The following GBE1 variants were observed in gnomAD, a reference collection of about 807,000 sequenced individuals.
GBE1 encodes 1,4-alpha-glucan branching enzyme 1.
Under a neutral mutation model 88.8 loss-of-function variants are expected in GBE1, and 70 were observed. The observed-to-expected ratio is 0.79, with a 90% CI of 0.65 to 0.96. The LOEUF (loss-of-function observed/expected upper bound fraction) is 0.96, where lower values mean the gene tolerates loss of function less well. Ranked by LOEUF, GBE1 falls within the 40% of genes least tolerant of loss-of-function variation. GBE1 has a pLI of 0.00. For missense variants in GBE1, 872 were observed against 871.0 expected (o/e 1.00, Z -0.01); for synonymous variants, 284 against 300.1 (o/e 0.95, Z 0.56).
intron 15 of GBE1, among the ~76,000 whole-genome samples, chr3:81,498,580 G>A (rs531660838): frequency 2.6e-5 from 4 of 152,134 alleles, no homozygotes; most frequent in Admixed American, 6.6e-5. Flanking sequence ...GTCATATAAT[G>A]CTTCATTCAG....
chr3:81,521,546 C>T (rs1702874416), intron 14 of GBE1, among the ~76,000 whole-genome samples: 1 of 151,162 alleles, frequency 6.6e-6, no homozygotes, highest in Non-Finnish European at 1.5e-5. Flanking sequence ...AGAATAAAGT[C>T]AGAAAGATAA....
chr3:81,680,695 C>T (rs534655287), intron 2 of GBE1, among the ~76,000 whole-genome samples: 8 of 152,170 alleles, frequency 5.3e-5, no homozygotes, highest in African/African-American at 1.9e-4. Context: ...ATCCTAACCC[C>T]AAATGTGGTA....
chr3:81,548,464 T>G (rs1703235687), intron 12 of GBE1, among the ~76,000 whole-genome samples: 1 of 151,466 alleles, frequency 6.6e-6, no homozygotes, highest in African/African-American at 2.4e-5. Flanking sequence ...AAATATGTTG[T>G]TGGTATGTGT....
chr3:81,721,899 T>C (rs1175640772), intron 1 of GBE1, among the ~76,000 whole-genome samples: 6 of 152,204 alleles, frequency 3.9e-5, no homozygotes, highest in Non-Finnish European at 7.3e-5. Flanking sequence ...CTATTCTGTA[T>C]GTTAAAAATT....
intron 10 of GBE1, among the ~76,000 whole-genome samples, chr3:81,582,062 C>G (rs879365789): frequency 5.9e-5 from 9 of 152,080 alleles, no homozygotes; most frequent in Non-Finnish European, 1.2e-4. Flanking sequence ...TATAAATTCT[C>G]TTCCTCTGTT....
In GBE1 at chr3:81,725,358, G is replaced by C. The variant is rs962354101; in HGVS notation, c.144-19745C>G. Among the ~76,000 whole-genome samples, 7 of 151,940 alleles carry C rather than the reference G, an allele frequency of 4.6e-5. 2 individuals are homozygous for C. Among genetic ancestry groups the C allele is most frequent in the Admixed American group, 4.6e-4 (7 of 15,248 alleles). ...CCTTATATCTTTTGGCCTACCCCGGGTCAGGATTATCAATATCACTGTCTT... is the reference window on the plus strand; with the variant it reads ...CCTTATATCTTTTGGCCTACCCCGGCTCAGGATTATCAATATCACTGTCTT... On this transcript the variant is annotated intron_variant, in intron 1 of 15. Coordinates refer to ENST00000429644, the MANE Select transcript of GBE1 (RefSeq NM_000158.4).
intron 14 of GBE1, among the ~76,000 whole-genome samples, chr3:81,524,576 G>GT (rs1173952661): frequency 6.6e-6 from 1 of 151,632 alleles, no homozygotes; most frequent in African/African-American, 2.4e-5. Flanking sequence ...ACTTTGATTT[G>GT]TTTTTTGTAT....
At chr3:81,511,462 A>C (rs1702724742) in intron 14 of GBE1, among the ~76,000 whole-genome samples, 1 of 151,892 alleles carries the variant, frequency 6.6e-6, no homozygotes, top group Non-Finnish European at 1.5e-5. Context: ...TATGGAATTC[A>C]TAAGGAACTT....
chr3:81,539,256 T>C (rs1228393784), intron 12 of GBE1, among the ~76,000 whole-genome samples: 1 of 151,990 alleles, frequency 6.6e-6, no homozygotes, highest in Non-Finnish European at 1.5e-5. Context: ...GGGCTAAGAA[T>C]GACCAACTTC....
intron 12 of GBE1, among the ~76,000 whole-genome samples, chr3:81,555,631 C>T (rs1703337161): frequency 6.6e-6 from 1 of 152,174 alleles, no homozygotes; most frequent in African/African-American, 2.4e-5. Context: ...GCAGACCCTG[C>T]TTCAAAGAGC....
chr3:81,516,866 G>A (rs1052184217), intron 14 of GBE1, among the ~76,000 whole-genome samples: 1 of 151,604 alleles, frequency 6.6e-6, no homozygotes, highest in Admixed American at 6.6e-5. Flanking sequence ...ACCTAAAGAC[G>A]TGACTGAATT....
chr3:81,643,751 T>C (rs1282313410), intron 6 of GBE1, among the ~76,000 whole-genome samples: 3 of 152,210 alleles, frequency 2.0e-5, no homozygotes, highest in Non-Finnish European at 4.4e-5. Context: ...AGGCTCCTCA[T>C]GATATGGTAC....
chr3:81,692,932 G>A (rs1380051375), intron 2 of GBE1, among the ~76,000 whole-genome samples: 1 of 152,076 alleles, frequency 6.6e-6, no homozygotes, highest in Non-Finnish European at 1.5e-5. Context: ...TCTCGGCTCT[G>A]ACTCCATTAT....
intron 11 of GBE1, 108 bp from the exon 12 acceptor site, chr3:81,578,204 A>T: frequency 1.3e-6 from 1 of 748,710 alleles, no homozygotes. Flanking sequence ...ATCGTAGAAG[A>T]GGTGTGTAGA....
intron 1 of GBE1, among the ~76,000 whole-genome samples, chr3:81,723,964 T>C (rs933730959): frequency 6.6e-6 from 1 of 152,202 alleles, no homozygotes; most frequent in South Asian, 2.1e-4. Context: ...TGTTTGCTTG[T>C]TTTGCTTTCT....
intron 1 of GBE1, among the ~76,000 whole-genome samples, chr3:81,753,261 A>G (rs1181285610): frequency 6.6e-6 from 1 of 152,154 alleles, no homozygotes; most frequent in Middle Eastern, 3.2e-3. Context: ...ATTCTTCTGG[A>G]TATTAAACAC....
chr3:81,502,909 T>C (rs948700561), intron 14 of GBE1, among the ~76,000 whole-genome samples: 73 of 152,186 alleles, frequency 4.8e-4, no homozygotes, highest in African/African-American at 1.8e-3. Flanking sequence ...TGGTTTCCAA[T>C]ACATAGCACA....
rs375734223 is a variant in GBE1, at chr3:81,725,276, A to T, written c.144-19663T>A. On this transcript the variant is annotated intron_variant, in intron 1 of 15. Transcript: ENST00000429644. The stretch of plus-strand genomic sequence containing the variant: ...TGTAATAATATGTAGCTTACAACAC[A>T]AGCAAGTTGTAAAGCTGTACAAATA... 5.3e-5 allele frequency among the ~76,000 whole-genome samples: 8 copies of T among 152,278 alleles called. No individual in the cohort carries two copies. The South Asian group carries it at 8.3e-4, about 16-fold the overall frequency.
rs572382180 is a variant in GBE1, at chr3:81,728,642, G to A, written c.144-23029C>T. Among the ~76,000 whole-genome samples, 5 of 152,100 alleles carry A rather than the reference G, an allele frequency of 3.3e-5. No homozygotes were observed. In the South Asian group the frequency reaches 8.3e-4, roughly 25 times the overall value. On this transcript the variant is annotated intron_variant, in intron 1 of 15. Transcript: ENST00000429644. Reference sequence around the variant, plus strand: ...CTAATTACTACTGGAAAGAGAGGAGGAGGAGAGAGGGGAGAAGAGAGAGTG... The same window carrying A: ...CTAATTACTACTGGAAAGAGAGGAGAAGGAGAGAGGGGAGAAGAGAGAGTG...
Sources: gnomAD v4.1 joint callset for allele counts (sites outside exome capture counted in the v4.1 genomes callset) on GRCh38, gnomAD v4.1.1 for gene constraint, MANE v1.5 for transcripts, NCBI Gene and HGNC (gene_info 2026-07-23, HGNC 2026-07-21) for gene names.